The following DLGAP2 variants were observed in gnomAD, a reference collection of about 807,000 sequenced individuals.
DLGAP2 encodes DLG associated protein 2, also known as disks large-associated protein 2.
DLGAP2 carries 26 observed loss-of-function variants against 100.3 expected under a neutral mutation model. The observed-to-expected ratio is 0.26, with a 90% confidence interval of 0.19 to 0.36. The LOEUF is 0.36. DLGAP2 is among the 10% of genes least tolerant of loss of function. The pLI is 1.00. For synonymous variants in DLGAP2, 886 were observed against 630.1 expected (o/e 1.41, Z -6.08); for missense variants, 1,858 against 1,453.2 (o/e 1.28, Z -4.53).
intron 3 of DLGAP2, among the ~76,000 whole-genome samples, chr8:1,477,426 C>G (rs1026353246): frequency 6.6e-5 from 10 of 152,208 alleles, no homozygotes; most frequent in African/African-American, 2.2e-4. Context: ...TGAATCTCCG[C>G]TTTGCCTGTC....
At chr8:1,336,471 T>C (rs986508780) in intron 3 of DLGAP2, among the ~76,000 whole-genome samples, 1 of 152,184 alleles carries the variant, frequency 6.6e-6, no homozygotes, top group African/African-American at 2.4e-5. Flanking sequence ...TTTACAGACG[T>C]CCGTTATGAG....
intron 6 of DLGAP2, among the ~76,000 whole-genome samples, chr8:1,597,730 CTT>C (rs1359880703): frequency 3.9e-5 from 6 of 152,188 alleles, no homozygotes; most frequent in African/African-American, 1.4e-4. Context: ...TATCCCGAGA[CTT>C]TGCTAAAGTT....
At chr8:1,306,821 T>C (rs750858571) in intron 3 of DLGAP2, among the ~76,000 whole-genome samples, 3 of 152,210 alleles carry the variant, frequency 2.0e-5, no homozygotes, top group South Asian at 4.1e-4. Flanking sequence ...CAATAATTTA[T>C]GTTAGAGAAA....
intron 2 of DLGAP2, among the ~76,000 whole-genome samples, chr8:1,153,090 G>T (rs1229907340): frequency 6.6e-6 from 1 of 152,094 alleles, no homozygotes; most frequent in Non-Finnish European, 1.5e-5. Context: ...ACCTTTGAGA[G>T]GCCTTCTCCC....
intron 3 of DLGAP2, among the ~76,000 whole-genome samples, chr8:1,454,636 G>A (rs1403180356): frequency 1.3e-5 from 2 of 152,142 alleles, no homozygotes; most frequent in Non-Finnish European, 2.9e-5. Flanking sequence ...TCCATTCCAG[G>A]GGCTGGATAT....
intron 2 of DLGAP2, chr8:926,959 GA>G (rs1311809639): frequency 1.1e-6 from 1 of 918,404 alleles, no homozygotes; most frequent in Non-Finnish European, 1.3e-6. Context: ...TGGGGGTGGG[GA>G]CAGCGTGGGG....
intron 2 of DLGAP2, among the ~76,000 whole-genome samples, chr8:946,743 G>A (rs1044272200): frequency 6.6e-6 from 1 of 152,226 alleles, no homozygotes; most frequent in Non-Finnish European, 1.5e-5. Flanking sequence ...GAGTGCCATA[G>A]TGGTCTTGAG....
chr8:1,616,924 CCT>C (rs942386266), intron 6 of DLGAP2, among the ~76,000 whole-genome samples: 3 of 152,128 alleles, frequency 2.0e-5, no homozygotes, highest in Non-Finnish European at 2.9e-5. Flanking sequence ...GTGTAGTTTT[CCT>C]CTCTGTGTCC....
intron 2 of DLGAP2, among the ~76,000 whole-genome samples, chr8:977,857 GC>G: frequency 2.5e-5 from 1 of 40,260 alleles, no homozygotes; most frequent in Non-Finnish European, 6.2e-5. Context: ...GTGAGGGGCT[GC>G]GTTCTGGTCT....
At chr8:758,519 A>G (rs1178378428) in intron 1 of DLGAP2, among the ~76,000 whole-genome samples, 2 of 152,170 alleles carry the variant, frequency 1.3e-5, no homozygotes, top group East Asian at 1.9e-4. Flanking sequence ...GCCCATCCCA[A>G]GGTGCCCGGG....
At chr8:1,348,212 C>G (rs1449527228) in intron 3 of DLGAP2, among the ~76,000 whole-genome samples, 1 of 152,250 alleles carries the variant, frequency 6.6e-6, no homozygotes, top group African/African-American at 2.4e-5. Flanking sequence ...CTGCATTGCA[C>G]TCATGGTAGC....
At chr8:1,661,036 G>A (rs1798398017) in intron 8 of DLGAP2, among the ~76,000 whole-genome samples, 1 of 152,210 alleles carries the variant, frequency 6.6e-6, no homozygotes, top group South Asian at 2.1e-4. Flanking sequence ...GCTGGCAAGG[G>A]TTGGGGGAGG....
At chr8:1,528,839 G>A (rs2130446731) in intron 4 of DLGAP2, among the ~76,000 whole-genome samples, 1 of 152,348 alleles carries the variant, frequency 6.6e-6, no homozygotes, top group East Asian at 1.9e-4. Context: ...TTTACAGAAA[G>A]CAAACAAATG....
At chr8:1,678,111 G>A in intron 11 of DLGAP2, 103 bp from the exon 12 acceptor site, 1 of 1,333,112 alleles carries the variant, frequency 7.5e-7, no homozygotes, top group Non-Finnish European at 1.0e-6. Context: ...GAGCCGCCAG[G>A]CTGTTGAGCT....
intron 10 of DLGAP2, among the ~76,000 whole-genome samples, chr8:1,671,776 G>A (rs1360415648): frequency 6.6e-6 from 1 of 152,196 alleles, no homozygotes; most frequent in African/African-American, 2.4e-5. Flanking sequence ...GGCCACCTGA[G>A]TCTGGCCCTT....
intron 6 of DLGAP2, among the ~76,000 whole-genome samples, chr8:1,618,963 T>G (rs1339827391): frequency 6.6e-6 from 1 of 152,112 alleles, no homozygotes; most frequent in Non-Finnish European, 1.5e-5. Context: ...CGCCCCAGAT[T>G]AAGAACTACT....
At chr8:994,685 CT>C (rs1451976468) in intron 2 of DLGAP2, among the ~76,000 whole-genome samples, 1 of 152,164 alleles carries the variant, frequency 6.6e-6, no homozygotes, top group African/African-American at 2.4e-5. Context: ...GAACTCAGCT[CT>C]GTAGGAGATG....
At chr8:1,168,761 A>G (rs943452861) in intron 2 of DLGAP2, among the ~76,000 whole-genome samples, 2 of 137,618 alleles carry the variant, frequency 1.5e-5, no homozygotes, top group African/African-American at 2.9e-5. Context: ...GTTTGAGTTC[A>G]TTGTAGATTC....
intron 5 of DLGAP2, among the ~76,000 whole-genome samples, chr8:1,552,047 G>T (rs1345755591): frequency 5.3e-5 from 8 of 152,068 alleles, no homozygotes. Flanking sequence ...GTGTCTGTCA[G>T]TCTGAGTTCC....
Sources: allele counts gnomAD v4.1 joint callset (sites outside exome capture counted in the v4.1 genomes callset), GRCh38; gene constraint gnomAD v4.1.1; transcripts MANE v1.5; gene names NCBI Gene and HGNC (gene_info 2026-07-23, HGNC 2026-07-21).